The following CDH1 variants were observed in gnomAD, a reference collection of about 807,000 sequenced individuals.
CDH1 encodes cadherin-1.
CDH1 carries 35 observed loss-of-function variants against 84.5 expected under a neutral mutation model. The observed-to-expected ratio is 0.41, with a 90% CI of 0.32 to 0.55. The LOEUF is 0.55. CDH1 is among the 20% of genes least tolerant of loss of function. CDH1 has a pLI of 0.19. For missense variants in CDH1, 994 were observed against 1,126.6 expected, an observed-to-expected ratio of 0.88 and a Z score of 1.68; for synonymous variants, 417 against 439.0, an observed-to-expected ratio of 0.95 and a Z score of 0.63.
chr16:68,738,244 CAGG>C, intron 1 of CDH1, 50 bp from the exon 2 acceptor site: 1 of 1,206,524 alleles, frequency 8.3e-7, no homozygotes, highest in East Asian at 2.6e-5. Context: ...TTTCGGTGAG[CAGG>C]AGGGAACCCT....
intron 2 of CDH1, among the ~76,000 whole-genome samples, chr16:68,767,158 A>G (rs982143740): frequency 5.9e-5 from 9 of 151,902 alleles, no homozygotes; most frequent in Admixed American, 1.3e-4. Flanking sequence ...ACGATGAACC[A>G]GACCATCCCT....
At position 68,747,127 on chromosome 16, in the gene CDH1, GA is replaced by G. The variant is rs1226381864; in HGVS notation, c.163+8718del. Among the ~76,000 whole-genome samples the G allele has an allele frequency of 1.8e-4, 28 of 152,308 alleles. 1 individual carries two copies. The highest frequency in any genetic ancestry group is 6.5e-4 in the African/African-American group (27 of 41,550). Reference sequence around the variant, plus strand: ...CCAGTAGGCTCCAAGAATGCCACTGGAATGAGAATGTGTTCAGGGGATGCCA... The same window carrying G: ...CCAGTAGGCTCCAAGAATGCCACTGGATGAGAATGTGTTCAGGGGATGCCA... On this transcript the variant is annotated intron_variant, in intron 2 of 15. Coordinates refer to ENST00000261769, the MANE Select transcript of CDH1 (RefSeq NM_004360.5).
At position 68,835,139 on chromosome 16, in the gene CDH1, C is replaced by A. The variant is rs1490310825; in HGVS notation, c.*1640C>A. 8.2e-5 allele frequency: 19 copies of A among 231,288 alleles called. No individual in the cohort carries two copies. The highest frequency in any genetic ancestry group is 2.3e-4 in the Admixed American group (4 of 17,670). The allele number at this position is 231,288 out of a possible 1,614,324, so 14.3% of individuals were successfully genotyped here. ...AATATTCAAAATTCCAAATTTTTTT[C>A]TTAGGAGCAAGAAGAAAATGTGGCC... On this transcript the variant is annotated 3_prime_UTR_variant, in exon 16 of 16. Transcript: ENST00000261769.
chr16:68,784,099 G>A (rs1466434218), intron 2 of CDH1, among the ~76,000 whole-genome samples: 4 of 152,062 alleles, frequency 2.6e-5, no homozygotes, highest in East Asian at 1.9e-4. Context: ...GTGGCCCTCC[G>A]TATATCTGCC....
intron 7 of CDH1, 74 bp from the exon 8 acceptor site, chr16:68,812,061 A>G (rs1960851409): frequency 1.9e-6 from 3 of 1,606,180 alleles, no homozygotes; most frequent in Non-Finnish European, 2.6e-6. Flanking sequence ...TTCTGGTTCC[A>G]TGTGTTGGGC....
In CDH1 at chr16:68,813,141, C is replaced by T. The variant is rs3743676; in HGVS notation, c.1138-172C>T. The stretch of plus-strand genomic sequence containing the variant: ...CTGAGGTGGGAGGATTGCTTGAGCC[C>T]AGGAGGTTGAGGCTACAGTGAGCCA... On this transcript the variant is annotated intron_variant, in intron 8 of 15. Transcript: ENST00000261769. Among the ~76,000 whole-genome samples, 483 of 152,122 alleles carry T rather than the reference C, an allele frequency of 3.2e-3. 14 individuals are homozygous for T. The East Asian group carries it at 0.087, about 28-fold the overall frequency.
intron 2 of CDH1, among the ~76,000 whole-genome samples, chr16:68,755,542 G>A (rs35069703): frequency 0.22 from 33,696 of 151,584 alleles, 4,362 homozygotes; most frequent in East Asian, 0.28. Flanking sequence ...CACCATGCCC[G>A]GCCAGGCCAG....
intron 2 of CDH1, among the ~76,000 whole-genome samples, chr16:68,783,414 AAAAAAG>A (rs1403630565): frequency 6.6e-6 from 1 of 151,348 alleles, no homozygotes; most frequent in African/African-American, 2.4e-5. Flanking sequence ...AGAAAAAAGA[AAAAAAG>A]AAAAAAAAGT....
chr16:68,772,003 C>T (rs922847322), intron 2 of CDH1, among the ~76,000 whole-genome samples: 4 of 152,118 alleles, frequency 2.6e-5, no homozygotes, highest in African/African-American at 7.2e-5. Flanking sequence ...ATGAGGAAAT[C>T]GAGGCAGGCA....
chr16:68,745,549 A>AAAATATATATATATATATGT (rs1555510453), intron 2 of CDH1, among the ~76,000 whole-genome samples: 11 of 75,182 alleles, frequency 1.5e-4, no homozygotes, highest in East Asian at 4.0e-4. Flanking sequence ...AAAAAAAAAA[A>AAAATATATATATATATATGT]ATATATATAT....
At chr16:68,750,743 C>T (rs1341710957) in intron 2 of CDH1, among the ~76,000 whole-genome samples, 2 of 148,484 alleles carry the variant, frequency 1.3e-5, no homozygotes, top group African/African-American at 2.5e-5. Flanking sequence ...GGGTCTCTGT[C>T]GCTCAGGCTG....
At chr16:68,813,740 A>T (rs35021880) in intron 9 of CDH1, among the ~76,000 whole-genome samples, 396 of 152,212 alleles carry the variant, frequency 2.6e-3, no homozygotes, top group Middle Eastern at 6.8e-3. Context: ...AGGCAGGCAG[A>T]TCACGAGGTC....
chr16:68,776,941 A>G (rs1959749189), intron 2 of CDH1, among the ~76,000 whole-genome samples: 1 of 152,212 alleles, frequency 6.6e-6, no homozygotes. Context: ...CTTAACCTCA[A>G]GTATGTCTGA....
rs1597884701 is a variant in CDH1, at chr16:68,801,743, A to G, written c.237A>G (p.Thr79=). Residue 79 remains threonine (T), a synonymous_variant, in exon 3 of 16, where the codon ACA becomes ACG. Coordinates refer to ENST00000261769, the MANE Select transcript of CDH1 (RefSeq NM_004360.5). ...FSLDTRFKVG[T]DGVITVKRPL... ...TCGACACCCGATTCAAAGTGGGCAC[A>G]GATGGTGTGATTACAGTCAAAAGGC... 1.9e-6 allele frequency: 3 copies of G among 1,614,232 alleles called. No homozygotes were observed. The highest frequency in any genetic ancestry group is 2.5e-6 in the Non-Finnish European group (3 of 1,180,038).
At chr16:68,786,466 G>A (rs1444613627) in intron 2 of CDH1, among the ~76,000 whole-genome samples, 1 of 147,712 alleles carries the variant, frequency 6.8e-6, no homozygotes, top group Non-Finnish European at 1.5e-5. Flanking sequence ...GCCTGCACCT[G>A]ACCCTACTTG....
chr16:68,826,890 T>A (rs1832616659), intron 13 of CDH1, among the ~76,000 whole-genome samples: 1 of 152,132 alleles, frequency 6.6e-6, no homozygotes, highest in Non-Finnish European at 1.5e-5. Context: ...CTGGATAAGG[T>A]TTCTGGCATT....
chr16:68,784,063 C>A (rs1478924692), intron 2 of CDH1, among the ~76,000 whole-genome samples: 1 of 152,198 alleles, frequency 6.6e-6, no homozygotes, highest in Non-Finnish European at 1.5e-5. Context: ...ATGTGTCTAT[C>A]TTTTGCCACC....
intron 1 of CDH1, 26 bp from the exon 2 acceptor site, chr16:68,738,271 T>C (rs2152114300): frequency 7.0e-7 from 1 of 1,430,550 alleles, no homozygotes; most frequent in Non-Finnish European, 9.6e-7. Flanking sequence ...AGTCACCCGG[T>C]TCCATCTACC....
intron 2 of CDH1, among the ~76,000 whole-genome samples, chr16:68,783,865 T>G (rs539620524): frequency 1.3e-5 from 2 of 152,068 alleles, no homozygotes; most frequent in South Asian, 4.2e-4. Context: ...TTAGTAGAGA[T>G]GGAGTTTCAC....
Sources: gnomAD v4.1 joint callset for allele counts (sites outside exome capture counted in the v4.1 genomes callset) on GRCh38, gnomAD v4.1.1 for gene constraint, MANE v1.5 for transcripts, NCBI Gene and HGNC (gene_info 2026-07-23, HGNC 2026-07-21) for gene names.